GHR: variants seen among roughly 807,000 people sequenced by gnomAD.
GHR encodes the protein growth hormone receptor.
A neutral mutation model predicts 67.1 loss-of-function variants in GHR; 35 were observed. The ratio of observed to expected loss-of-function variants is 0.52; its 90% CI spans 0.40 to 0.69. The LOEUF is 0.69. Ranked by LOEUF, GHR falls within the 30% of genes least tolerant of loss-of-function variation. GHR has a pLI of 0.00. For missense variants in GHR, 792 were observed against 764.6 expected (o/e 1.04, Z -0.42); for synonymous variants, 272 against 269.1 (o/e 1.01, Z -0.10).
chr5:42,677,374 A>G (rs531948443), intron 3 of GHR, among the ~76,000 whole-genome samples: 2 of 152,278 alleles, frequency 1.3e-5, no homozygotes, highest in South Asian at 4.2e-4. Context: ...GTAATTCTCT[A>G]CCCTTACGAG....
At chr5:42,717,838 T>G (rs1758793577) in intron 8 of GHR, among the ~76,000 whole-genome samples, 1 of 152,156 alleles carries the variant, frequency 6.6e-6, no homozygotes, top group African/African-American at 2.4e-5. Context: ...TGAGGCTTTT[T>G]GGGTTTTTTA....
At chr5:42,507,676 A>C (rs556204910) in intron 1 of GHR, among the ~76,000 whole-genome samples, 1 of 152,248 alleles carries the variant, frequency 6.6e-6, no homozygotes, top group African/African-American at 2.4e-5. Flanking sequence ...CCTAGCTGCC[A>C]TGAGAAGCTA....
At chr5:42,590,758 G>A (rs1484418092) in intron 2 of GHR, among the ~76,000 whole-genome samples, 1 of 152,208 alleles carries the variant, frequency 6.6e-6, no homozygotes, top group East Asian at 1.9e-4. Flanking sequence ...ATTCTAACAG[G>A]TGACTTTGAA....
chr5:42,653,074 T>C (rs1356908258), intron 3 of GHR, among the ~76,000 whole-genome samples: 1 of 152,116 alleles, frequency 6.6e-6, no homozygotes, highest in Non-Finnish European at 1.5e-5. Context: ...AGCAAGACCA[T>C]ATACTAAAAG....
intron 1 of GHR, among the ~76,000 whole-genome samples, chr5:42,511,314 C>T (rs752758802): frequency 6.6e-6 from 1 of 152,210 alleles, no homozygotes; most frequent in Non-Finnish European, 1.5e-5. Flanking sequence ...ACGTTCTCTA[C>T]TTTACATCAT....
intron 1 of GHR, among the ~76,000 whole-genome samples, chr5:42,435,298 A>G (rs1743275838): frequency 6.6e-6 from 1 of 152,182 alleles, no homozygotes; most frequent in African/African-American, 2.4e-5. Context: ...TTCTCTGTCA[A>G]CGTGCCTGTA....
chr5:42,642,546 G>A (rs1160260071), intron 3 of GHR, among the ~76,000 whole-genome samples: 1 of 152,144 alleles, frequency 6.6e-6, no homozygotes, highest in Non-Finnish European at 1.5e-5. Flanking sequence ...CCACTATCCT[G>A]AAGTGGTGGT....
At chr5:42,435,572 A>G (rs1743289366) in intron 1 of GHR, among the ~76,000 whole-genome samples, 1 of 152,208 alleles carries the variant, frequency 6.6e-6, no homozygotes, top group South Asian at 2.1e-4. Flanking sequence ...AAAATTTTAG[A>G]GGTCCTGTAT....
intron 2 of GHR, among the ~76,000 whole-genome samples, chr5:42,569,239 C>T (rs1190825453): frequency 1.3e-5 from 2 of 152,226 alleles, no homozygotes. Context: ...ACAATTCATT[C>T]ACTTACTGTG....
chr5:42,716,075 A>T (rs1362965620), intron 8 of GHR, among the ~76,000 whole-genome samples: 4 of 152,056 alleles, frequency 2.6e-5, no homozygotes, highest in Non-Finnish European at 5.9e-5. Context: ...GTCAAACATC[A>T]GCCATTTGGA....
At position 42,630,050 on chromosome 5, in the gene GHR, T is replaced by C. The variant is rs974524053; in HGVS notation, c.136+947T>C. Among the ~76,000 whole-genome samples, 14 of 132,018 alleles carry C rather than the reference T, an allele frequency of 1.1e-4. 2 individuals are homozygous for C. Among genetic ancestry groups the C allele is most frequent in the African/African-American group, 4.5e-4 (14 of 31,272 alleles). 86.6% of individuals were successfully genotyped at this position (132,018 alleles called of 152,430 possible). On this transcript the variant is annotated intron_variant, in intron 3 of 9. Coordinates refer to ENST00000230882, the MANE Select transcript of GHR (RefSeq NM_000163.5). Reference sequence around the variant, plus strand: ...TGTGGGGAAGCGTCTCCAAATTCTCTAGTCCTGAACAACATTCTGCCTTCT... The same window carrying C: ...TGTGGGGAAGCGTCTCCAAATTCTCCAGTCCTGAACAACATTCTGCCTTCT...
At chr5:42,607,539 A>C (rs1327081218) in intron 2 of GHR, among the ~76,000 whole-genome samples, 1 of 152,250 alleles carries the variant, frequency 6.6e-6, no homozygotes, top group Non-Finnish European at 1.5e-5. Context: ...AGGAATAAGA[A>C]AACTGACACA....
At chr5:42,594,411 CATAA>C (rs1431872014) in intron 2 of GHR, among the ~76,000 whole-genome samples, 1 of 152,176 alleles carries the variant, frequency 6.6e-6, no homozygotes, top group African/African-American at 2.4e-5. Context: ...ACAGTTTTGG[CATAA>C]ATAATCCCAA....
At chr5:42,487,747 T>G (rs1175930084) in intron 1 of GHR, among the ~76,000 whole-genome samples, 1 of 152,212 alleles carries the variant, frequency 6.6e-6, no homozygotes, top group Non-Finnish European at 1.5e-5. Context: ...GAGATTATAT[T>G]CATATATTTC....
intron 3 of GHR, among the ~76,000 whole-genome samples, chr5:42,671,955 C>CAAAAA (rs33965774): frequency 9.0e-6 from 1 of 111,184 alleles, no homozygotes; most frequent in African/African-American, 3.7e-5. Flanking sequence ...GACTCCGTCT[C>CAAAAA]AAAAAAAAAA....
chr5:42,441,033 T>C (rs1278013141), intron 1 of GHR, among the ~76,000 whole-genome samples: 2 of 152,182 alleles, frequency 1.3e-5, no homozygotes, highest in African/African-American at 2.4e-5. Context: ...TCAGAGGAGA[T>C]ACCTCAATGT....
At chr5:42,439,564 CTT>C (rs1314930676) in intron 1 of GHR, among the ~76,000 whole-genome samples, 1 of 152,070 alleles carries the variant, frequency 6.6e-6, no homozygotes, top group African/African-American at 2.4e-5. Flanking sequence ...TTGTATAAGA[CTT>C]TGGGATATAG....
chr5:42,552,540 A>G (rs1313652726), intron 1 of GHR, among the ~76,000 whole-genome samples: 2 of 152,214 alleles, frequency 1.3e-5, no homozygotes, highest in African/African-American at 4.8e-5. Flanking sequence ...ATTTTTAAAA[A>G]TAAATAAATT....
At chr5:42,663,503 A>G (rs1453445090) in intron 3 of GHR, among the ~76,000 whole-genome samples, 3 of 152,244 alleles carry the variant, frequency 2.0e-5, no homozygotes, top group Non-Finnish European at 4.4e-5. Context: ...CCACATGATT[A>G]TCTCAATAGA....
Sources: allele counts gnomAD v4.1 joint callset (sites outside exome capture counted in the v4.1 genomes callset), GRCh38; gene constraint gnomAD v4.1.1; transcripts MANE v1.5; gene names NCBI Gene and HGNC (gene_info 2026-07-23, HGNC 2026-07-21).